The following NPC1 variants were observed in gnomAD, a reference collection of about 807,000 sequenced individuals.
NPC1 encodes the protein Niemann-Pick C1 protein.
Under a neutral mutation model 140.4 loss-of-function variants are expected in NPC1, and 85 were observed. The observed-to-expected ratio is 0.61, with a 90% CI of 0.51 to 0.72. The LOEUF is 0.72. NPC1 is among the 30% of genes least tolerant of loss of function. NPC1 has a pLI of 0.00. For synonymous variants in NPC1, 656 were observed against 624.8 expected, an observed-to-expected ratio of 1.05 and a Z score of -0.74; for missense variants, 1,504 against 1,623.8, an observed-to-expected ratio of 0.93 and a Z score of 1.27.
At chr18:23,530,619 A>G, downstream of NPC1, 1 of 1,611,228 alleles carries the variant, frequency 6.2e-7, no homozygotes. Context: ...CCAGGTGAGA[A>G]TGCAATGAAA....
At chr18:23,524,570 A>C (rs1567929097), downstream of NPC1, 1 of 1,386,198 alleles carries the variant, frequency 7.2e-7, no homozygotes, top group Non-Finnish European at 1.0e-6. Flanking sequence ...TTCAAGGTGA[A>C]TCTCTTAGAA....
chr18:23,544,941 C>A lies in NPC1; in HGVS notation c.1947+19G>T. 2 of 1,317,608 alleles carry A rather than the reference C, an allele frequency of 1.5e-6. No individual in the cohort carries two copies. Among genetic ancestry groups the A allele is most frequent in the Non-Finnish European group, 1.0e-6 (1 of 956,968 alleles). 81.6% of individuals were successfully genotyped at this position (1,317,608 alleles called of 1,614,324 possible). A position where few individuals can be genotyped will look rare whatever the true frequency, so the allele number is the denominator to read the frequency against. On this transcript the variant is annotated intron_variant, in intron 12 of 24. Coordinates refer to ENST00000269228, the MANE Select transcript of NPC1 (RefSeq NM_000271.5). ...CTGCTGTTAACCTCTAGAACATACACCACCCCCCCCCGGCTTACCAGAAGC... is the reference window on the plus strand; with the variant it reads ...CTGCTGTTAACCTCTAGAACATACAACACCCCCCCCCGGCTTACCAGAAGC...
chr18:23,521,037 TAG>T (rs959345946), downstream of NPC1, among the ~76,000 whole-genome samples: 1 of 152,068 alleles, frequency 6.6e-6, no homozygotes, highest in Non-Finnish European at 1.5e-5. Context: ...ATATTTTTGG[TAG>T]AGATGGGGTT....
chr18:23,573,330 G>C, intron 2 of NPC1, 122 bp downstream of exon 2: 1 of 1,375,806 alleles, frequency 7.3e-7, no homozygotes, highest in African/African-American at 1.4e-5. Context: ...GAGAGTCCGG[G>C]ATAAGACTTA....
At chr18:23,529,879 G>A, downstream of NPC1, 2 of 1,042,812 alleles carry the variant, frequency 1.9e-6, no homozygotes, top group Non-Finnish European at 2.9e-6. Flanking sequence ...GTAAGGTCAA[G>A]TTGGGGTCTT....
intron 1 of NPC1, among the ~76,000 whole-genome samples, chr18:23,584,013 T>C (rs1320736746): frequency 1.3e-5 from 2 of 152,206 alleles, no homozygotes; most frequent in East Asian, 1.9e-4. Flanking sequence ...GGCTTCTCTA[T>C]GTTCCAAGTC....
At chr18:23,538,375 T>G (rs2058663481) in intron 20 of NPC1, among the ~76,000 whole-genome samples, 167 bp downstream of exon 20, 1 of 152,190 alleles carries the variant, frequency 6.6e-6, no homozygotes, top group South Asian at 2.1e-4. Flanking sequence ...ATGAGGCATT[T>G]TCTTAAAAAG....
At chr18:23,550,475 A>ATTTTTTTTTTTTTTTTTT (rs1491268509) in intron 10 of NPC1, among the ~76,000 whole-genome samples, 2 of 53,498 alleles carry the variant, frequency 3.7e-5, no homozygotes, top group African/African-American at 2.0e-4. Context: ...CAGTTCTTAC[A>ATTTTTTTTTTTTTTTTTT]TTTCTTTTTT....
chr18:23,532,127 G>A lies in NPC1; in HGVS notation c.*75C>T. On this transcript the variant is annotated 3_prime_UTR_variant, in exon 25 of 25. Coordinates refer to ENST00000269228, the MANE Select transcript of NPC1 (RefSeq NM_000271.5). The stretch of plus-strand genomic sequence containing the variant: ...ACCATCCGGTGTTCAACTTGGCCTT[G>A]CCGATGCAGCACCCGTCCAGTGGTA... The A allele has an allele frequency of 1.2e-6, 2 of 1,613,966 alleles. No individual in the cohort carries two copies. Among genetic ancestry groups the A allele is most frequent in the Non-Finnish European group, 1.7e-6 (2 of 1,179,988 alleles).
At chr18:23,555,060 C>T (rs1402268828) in intron 8 of NPC1, 76 bp from the exon 9 acceptor site, 2 of 927,096 alleles carry the variant, frequency 2.2e-6, no homozygotes, top group East Asian at 5.1e-5. Flanking sequence ...ATCAGCATTG[C>T]CCTGAGGGTC....
chr18:23,571,793 C>A (rs947582719), intron 3 of NPC1, among the ~76,000 whole-genome samples: 1 of 151,956 alleles, frequency 6.6e-6, no homozygotes, highest in African/African-American at 2.4e-5. Context: ...GAGCTGTGAT[C>A]ACACCACAAA....
chr18:23,521,275 C>T (rs919546775), downstream of NPC1, among the ~76,000 whole-genome samples: 66 of 152,188 alleles, frequency 4.3e-4, no homozygotes, highest in African/African-American at 1.6e-3. Flanking sequence ...AATTTATCTT[C>T]CCTGAGCTTT....
In NPC1 at chr18:23,544,496, C is replaced by T. The variant is rs1555634490; in HGVS notation, c.1978G>A (p.Gly660Ser). ...VDSKVSLGIA[G>S]ILIVLSSVAC... ...ACCGAGCTCAGCACGATCAAGATGCCCGCGATGCCTAGTGAGACCTTCGAA... is the reference window on the plus strand; with the variant it reads ...ACCGAGCTCAGCACGATCAAGATGCTCGCGATGCCTAGTGAGACCTTCGAA... Residue 660 changes from glycine to serine, a missense_variant, in exon 13 of 25, where the codon GGC (glycine) becomes AGC (serine). By Grantham distance (56) the Gly-to-Ser change is moderately conservative. Coordinates refer to ENST00000269228, the MANE Select transcript of NPC1 (RefSeq NM_000271.5). 1.2e-6 allele frequency: 2 copies of T among 1,614,154 alleles called. No individual in the cohort carries two copies. The highest frequency in any genetic ancestry group is 1.7e-6 in the Non-Finnish European group (2 of 1,180,022).
rs141659629 is a variant in NPC1, at chr18:23,534,479, G to A, written c.3558C>T (p.Arg1186=). 3.5e-5 allele frequency: 57 copies of A among 1,613,842 alleles called. No individual in the cohort carries two copies. The highest frequency in any genetic ancestry group is 2.5e-4 in the African/African-American group (19 of 74,952). Residue 1186 remains arginine, a synonymous_variant, in exon 23 of 25, where the codon CGC becomes CGT. Coordinates refer to ENST00000269228, the MANE Select transcript of NPC1 (RefSeq NM_000271.5). ...CCATGTGGGCAAGTGCCTCTTCCGC[G>A]CGCTCCACGCGGCTGCCTTTCATGC... The part of the protein sequence containing the change: ...TVSMKGSRVE[R]AEEALAHMGS...
At chr18:23,572,210 G>A in intron 2 of NPC1, 30 bp from the exon 3 acceptor site, 2 of 1,460,776 alleles carry the variant, frequency 1.4e-6, no homozygotes, top group Non-Finnish European at 1.9e-6. Flanking sequence ...AGACACGGGA[G>A]TAGGCAACAG....
intron 5 of NPC1, 142 bp downstream of exon 5, chr18:23,561,217 GC>G (rs954631407): frequency 2.4e-6 from 2 of 837,946 alleles, no homozygotes; most frequent in Non-Finnish European, 4.1e-6. Context: ...TCACTACATT[GC>G]CCAGGCTGGT....
downstream of NPC1, chr18:23,520,342 G>T: frequency 1.3e-6 from 2 of 1,552,316 alleles, no homozygotes; most frequent in Non-Finnish European, 1.8e-6. Flanking sequence ...AGGAGTCTGT[G>T]CTGCCCTTTC....
chr18:23,548,216 T>G, intron 10 of NPC1, 108 bp from the exon 11 acceptor site: 1 of 748,122 alleles, frequency 1.3e-6, no homozygotes, highest in Non-Finnish European at 2.4e-6. Flanking sequence ...AGCTATGGAC[T>G]GTATCTCTGG....
intron 1 of NPC1, among the ~76,000 whole-genome samples, chr18:23,582,759 C>T (rs984405047): frequency 3.4e-5 from 5 of 148,552 alleles, no homozygotes; most frequent in Admixed American, 2.7e-4. Flanking sequence ...GAGCCAAGAT[C>T]GTGCCACTGC....
Sources: gnomAD v4.1 joint callset for allele counts (sites outside exome capture counted in the v4.1 genomes callset) on GRCh38, gnomAD v4.1.1 for gene constraint, MANE v1.5 for transcripts, NCBI Gene and HGNC (gene_info 2026-07-23, HGNC 2026-07-21) for gene names.